Variants in GRPEL1 observed in about 807,000 individuals in gnomAD.
GRPEL1 encodes the protein GrpE like 1, mitochondrial, also known as grpE protein homolog 1, mitochondrial.
In GRPEL1, 13 loss-of-function variants were observed where a neutral mutation model predicts 22.1. The ratio of observed to expected loss-of-function variants is 0.59; its 90% CI spans 0.38 to 0.94. The LOEUF (loss-of-function observed/expected upper bound fraction) is 0.94, where lower values mean the gene tolerates loss of function less well. GRPEL1 is among the 40% of genes least tolerant of loss of function. GRPEL1 has a pLI of 0.00. For synonymous variants in GRPEL1, 109 were observed against 105.3 expected, an observed-to-expected ratio of 1.03 and a Z score of -0.21; for missense variants, 289 against 264.6, an observed-to-expected ratio of 1.09 and a Z score of -0.64.
rs1257017670 is a variant in GRPEL1, at chr4:7,062,402, TC to T, written c.289del (p.Glu97ArgfsTer41). On this transcript the variant is annotated frameshift_variant, in exon 3 of 4. Coordinates refer to ENST00000264954, the MANE Select transcript of GRPEL1 (RefSeq NM_025196.4). LOFTEE classifies it high-confidence loss of function. ...GAAAGTACCGTATAATTTTGCCTCCTCCACCAATTTCTGGCTCCTCTGCCGT... is the reference window on the plus strand; with the variant it reads ...GAAAGTACCGTATAATTTTGCCTCCTCACCAATTTCTGGCTCCTCTGCCGT... ...NLRQRSQKLV[E>X]EAKLYGIQAF... The T allele has an allele frequency of 6.3e-7, 1 of 1,585,792 alleles. No individual in the cohort carries two copies. The highest frequency in any genetic ancestry group is 8.6e-7 in the Non-Finnish European group (1 of 1,158,526).
At position 7,059,941 on chromosome 4, in the gene GRPEL1, C is replaced by T. The variant is rs759446015; in HGVS notation, c.*921G>A. The T allele has an allele frequency of 2.0e-5, 3 of 152,272 alleles. No individual in the cohort carries two copies. Among genetic ancestry groups the T allele is most frequent in the East Asian group, 1.9e-4 (1 of 5,178 alleles). 9.4% of individuals were successfully genotyped at this position (152,272 alleles called of 1,614,324 possible). Reference sequence around the variant, plus strand: ...ATGTGTGTACGTGAATGTGCACGCACGCACGTGTCAAGCTGACAGCTTCTG... The same window carrying T: ...ATGTGTGTACGTGAATGTGCACGCATGCACGTGTCAAGCTGACAGCTTCTG... On this transcript the variant is annotated 3_prime_UTR_variant, in exon 4 of 4. Coordinates refer to ENST00000264954, the MANE Select transcript of GRPEL1 (RefSeq NM_025196.4).
intron 1 of GRPEL1, among the ~76,000 whole-genome samples, chr4:7,066,870 C>T (rs934358717): frequency 1.3e-5 from 2 of 152,230 alleles, no homozygotes; most frequent in Admixed American, 6.5e-5. Flanking sequence ...CATCTTTCCA[C>T]AAAACTACCA....
chr4:7,062,518 T>G (rs767956430), intron 2 of GRPEL1, 52 bp from the exon 3 acceptor site: 1 of 479,064 alleles, frequency 2.1e-6, no homozygotes, highest in Non-Finnish European at 3.0e-6. Flanking sequence ...ATATATATCT[T>G]TTTTTTTGAG....
At chr4:7,067,701 AC>A (rs1161440991) in intron 1 of GRPEL1, among the ~76,000 whole-genome samples, 1 of 152,176 alleles carries the variant, frequency 6.6e-6, no homozygotes. Context: ...GGGCCACCGT[AC>A]CTTCCGAGCC....
chr4:7,064,663 T>G (rs1298009424), intron 1 of GRPEL1, among the ~76,000 whole-genome samples: 1 of 152,084 alleles, frequency 6.6e-6, no homozygotes, highest in Non-Finnish European at 1.5e-5. Flanking sequence ...CACACCCGGC[T>G]AATTTTTGTA....
chr4:7,063,263 A>AT (rs543824358), intron 2 of GRPEL1, among the ~76,000 whole-genome samples: 14 of 151,578 alleles, frequency 9.2e-5, no homozygotes, highest in Non-Finnish European at 1.3e-4. Flanking sequence ...CTAATTTTTA[A>AT]TTTTTTTTAG....
At chr4:7,062,284 C>T (rs1389043303) in intron 3 of GRPEL1, 101 bp downstream of exon 3, 3 of 460,248 alleles carry the variant, frequency 6.5e-6, no homozygotes, top group Non-Finnish European at 1.2e-5. Context: ...GGACCCCCCA[C>T]CCCACAGCCT....
Position 7,059,172 on chromosome 4 carries a change from G to T in GRPEL1, c.*1690C>A, listed in dbSNP as rs574514382. The T allele has an allele frequency of 1.3e-5, 2 of 152,138 alleles. No homozygotes were observed. The highest frequency in any genetic ancestry group is 6.5e-5 in the Admixed American group (1 of 15,268). 9.4% of individuals were successfully genotyped at this position (152,138 alleles called of 1,614,324 possible). ...CATGCTTGACTATATTCCAAAATCC[G>T]AAAACCCCCCAAGTTTGAAACAATT... On this transcript the variant is annotated 3_prime_UTR_variant, in exon 4 of 4. Coordinates refer to ENST00000264954, the MANE Select transcript of GRPEL1 (RefSeq NM_025196.4).
intron 1 of GRPEL1, among the ~76,000 whole-genome samples, chr4:7,067,079 ACCTCACCTG>A (rs1263281220): frequency 6.6e-6 from 1 of 152,190 alleles, no homozygotes; most frequent in East Asian, 1.9e-4. Context: ...AGTGATCTTC[ACCTCACCTG>A]CCTGCTCTCC....
intron 1 of GRPEL1, chr4:7,064,485 GTCTC>G (rs748005749): frequency 2.7e-5 from 8 of 296,688 alleles, no homozygotes; most frequent in South Asian, 7.2e-5. Flanking sequence ...GACAGGATTG[GTCTC>G]TCTCTATATA....
At position 7,058,988 on chromosome 4, in the gene GRPEL1, C is replaced by T. The variant is rs539750629; in HGVS notation, c.*1874G>A. 19 of 152,196 alleles carry T rather than the reference C, an allele frequency of 1.2e-4. No homozygotes were observed. The highest frequency in any genetic ancestry group is 2.9e-4 in the African/African-American group (12 of 41,450). The allele number at this position is 152,196 out of a possible 1,614,324, so 9.4% of individuals were successfully genotyped here. A position where few individuals can be genotyped will look rare whatever the true frequency, so the allele number is the denominator to read the frequency against. Reference sequence around the variant, plus strand: ...GTTGCCTACAGTATCAGTACAGTAACGTGCCCTCCAGTCTAGAGCAACAGG... The same window carrying T: ...GTTGCCTACAGTATCAGTACAGTAATGTGCCCTCCAGTCTAGAGCAACAGG... On this transcript the variant is annotated 3_prime_UTR_variant, in exon 4 of 4. Transcript: ENST00000264954.
In GRPEL1 at chr4:7,061,051, GA is replaced by G; in HGVS notation, c.464del (p.Phe155SerfsTer9). On this transcript the variant is annotated frameshift_variant, in exon 4 of 4. Coordinates refer to ENST00000264954, the MANE Select transcript of GRPEL1 (RefSeq NM_025196.4). LOFTEE classifies it high-confidence loss of function. Reference protein sequence around the residue: ...VMTEVQIQKVFTKHGLLKLNP... With the variant: ...VMTEVQIQKVXTKHGLLKLNP... ...TCAACTTGAGCAAGCCATGCTTTGT[GA>G]ACACCTTCTGGATCTGGACTTCAGT... 6.2e-7 allele frequency: 1 copy of G among 1,614,206 alleles called. No homozygotes were observed. The highest frequency in any genetic ancestry group is 8.5e-7 in the Non-Finnish European group (1 of 1,180,044).
chr4:7,064,346 TTC>T, intron 1 of GRPEL1, 123 bp from the exon 2 acceptor site: 1 of 947,724 alleles, frequency 1.1e-6, no homozygotes, highest in African/African-American at 1.7e-5. Context: ...GAGAAAACAT[TTC>T]TGTTAGATCT....
At chr4:7,067,899 G>T in intron 1 of GRPEL1, 72 bp downstream of exon 1, 1 of 1,503,436 alleles carries the variant, frequency 6.7e-7, no homozygotes, top group Non-Finnish European at 9.2e-7. Context: ...AGGCCCCGGG[G>T]CCGGGAAAGG....
intron 1 of GRPEL1, among the ~76,000 whole-genome samples, chr4:7,064,851 G>A (rs1263352396): frequency 6.6e-6 from 1 of 152,074 alleles, no homozygotes; most frequent in Non-Finnish European, 1.5e-5. Context: ...CTACAGTATG[G>A]TGGCACAATC....
rs550145606 is a variant in GRPEL1 at position 7,059,300 on chromosome 4, G to C, written c.*1562C>G. On this transcript the variant is annotated 3_prime_UTR_variant, in exon 4 of 4. Transcript: ENST00000264954. ...GCTACTTAAGCTATATTGCCTCTAG[G>C]TTACGAGTTAAGTGCTTTTTAGCAA... 4.0e-4 allele frequency: 61 copies of C among 152,326 alleles called. No individual in the cohort carries two copies. The highest frequency in any genetic ancestry group is 1.4e-3 in the African/African-American group (57 of 41,570). The allele number at this position is 152,326 out of a possible 1,614,324, so 9.4% of individuals were successfully genotyped here. A position where few individuals can be genotyped will look rare whatever the true frequency, so the allele number is the denominator to read the frequency against.
intron 1 of GRPEL1, among the ~76,000 whole-genome samples, chr4:7,066,528 C>T (rs1014232444): frequency 6.6e-6 from 1 of 152,194 alleles, no homozygotes; most frequent in African/African-American, 2.4e-5. Context: ...ACAGTCTTGC[C>T]ATGGGGGTGG....
rs751853352 is a variant in GRPEL1, at chr4:7,060,586, C to G, written c.*276G>C. ...GGTGTCAGCAGAGTCTGAGCAGACACGTTACTCATGATGCTCGGGAGACCA... is the reference window on the plus strand; with the variant it reads ...GGTGTCAGCAGAGTCTGAGCAGACAGGTTACTCATGATGCTCGGGAGACCA... On this transcript the variant is annotated 3_prime_UTR_variant, in exon 4 of 4. Transcript: ENST00000264954. 4.2e-6 allele frequency: 2 copies of G among 471,564 alleles called. No homozygotes were observed. Among genetic ancestry groups the G allele is most frequent in the East Asian group, 7.3e-5 (2 of 27,272 alleles). 29.2% of individuals were successfully genotyped at this position (471,564 alleles called of 1,614,324 possible).
chr4:7,067,202 T>C (rs1391113800), intron 1 of GRPEL1, among the ~76,000 whole-genome samples: 3 of 152,148 alleles, frequency 2.0e-5, no homozygotes, highest in Non-Finnish European at 1.5e-5. Flanking sequence ...CAGCAAGTAC[T>C]TGCCATACTA....
Sources: gnomAD v4.1 joint callset for allele counts (sites outside exome capture counted in the v4.1 genomes callset) on GRCh38, gnomAD v4.1.1 for gene constraint, MANE v1.5 for transcripts, NCBI Gene and HGNC (gene_info 2026-07-23, HGNC 2026-07-21) for gene names.